Variants in MROH6 observed in about 807,000 individuals in gnomAD.
MROH6 encodes the protein maestro heat-like repeat-containing protein family member 6.
Under a neutral mutation model 67.7 loss-of-function variants are expected in MROH6, and 62 were observed. The ratio of observed to expected loss-of-function variants is 0.92; its 90% CI spans 0.75 to 1.13. The LOEUF (loss-of-function observed/expected upper bound fraction) is 1.13, where lower values mean the gene tolerates loss of function less well. Among genes scored for constraint, MROH6 ranks in the 50% most tolerant of loss-of-function variants. The pLI is 0.00. For synonymous variants in MROH6, 566 were observed against 470.8 expected, an observed-to-expected ratio of 1.20 and a Z score of -2.62; for missense variants, 1,175 against 1,029.1, an observed-to-expected ratio of 1.14 and a Z score of -1.94.
chr8:143,570,863 C>T lies in MROH6; in HGVS notation c.720+14G>A. 1 of 586,050 alleles carries T rather than the reference C, an allele frequency of 1.7e-6. No individual in the cohort carries two copies. The highest frequency in any genetic ancestry group is 2.9e-6 in the Non-Finnish European group (1 of 342,490). 36.3% of individuals were successfully genotyped at this position (586,050 alleles called of 1,614,324 possible). A position where few individuals can be genotyped will look rare whatever the true frequency, so the allele number is the denominator to read the frequency against. On this transcript the variant is annotated intron_variant, in intron 4 of 13. Coordinates refer to ENST00000398882, the MANE Select transcript of MROH6 (RefSeq NM_001100878.2). The stretch of plus-strand genomic sequence containing the variant: ...CCCCGCCCCCACCCCCTGGTAATGG[C>T]TGGAGCCACCTACCGCCAGTGCCTG...
intron 9 of MROH6, 131 bp downstream of exon 9, chr8:143,569,310 G>T (rs1823846435): frequency 5.4e-6 from 3 of 555,450 alleles, no homozygotes; most frequent in Non-Finnish European, 8.6e-6. Context: ...GAGACTGGAA[G>T]GGCGGGGCGG....
chr8:143,572,558 C>T lies in MROH6; in HGVS notation c.157G>A (p.Glu53Lys). 2 of 1,606,760 alleles carry T rather than the reference C, an allele frequency of 1.2e-6. No individual in the cohort carries two copies. Among genetic ancestry groups the T allele is most frequent in the Non-Finnish European group, 1.7e-6 (2 of 1,177,778 alleles). ...PQPKSWEVKP[E>K]AEPQTQALTA... Reference sequence around the variant, plus strand: ...AGTGCCTGGGTCTGTGGCTCAGCCTCAGGTTTGACCTCCCAGGACTTGGGC... The same window carrying T: ...AGTGCCTGGGTCTGTGGCTCAGCCTTAGGTTTGACCTCCCAGGACTTGGGC... Residue 53 changes from glutamate to lysine, a missense_variant, in exon 1 of 14, where the codon GAG becomes AAG. Physicochemically the swap from Glu to Lys is moderately conservative, Grantham distance 56. Coordinates refer to ENST00000398882, the MANE Select transcript of MROH6 (RefSeq NM_001100878.2).
rs373982339 is a variant in MROH6, at chr8:143,572,680, C to T, written c.35G>A (p.Arg12Gln). ...GGTTAGAGCCCCCACGGGAGCCTCC[C>T]GGGCCCGGCTCCGGCCCCACACACC... ...AGGVWGRSRAREAPVGALTLT... is the reference protein window; with the variant it reads ...AGGVWGRSRAQEAPVGALTLT... Residue 12 changes from arginine (R) to glutamine (Q), a missense_variant, in exon 1 of 14, where the codon CGG (arginine) becomes CAG (glutamine). Coordinates refer to ENST00000398882, the MANE Select transcript of MROH6 (RefSeq NM_001100878.2). 23 of 1,530,906 alleles carry T rather than the reference C, an allele frequency of 1.5e-5. No homozygotes were observed. The South Asian group carries it at 1.8e-4, about 12-fold the overall frequency. The allele number at this position is 1,530,906 out of a possible 1,614,324, so 94.8% of individuals were successfully genotyped here. A position where few individuals can be genotyped will look rare whatever the true frequency, so the allele number is the denominator to read the frequency against.
Position 143,570,470 on chromosome 8 carries a change from C to T in MROH6, c.905+3G>A. 2 of 1,610,928 alleles carry T rather than the reference C, an allele frequency of 1.2e-6. No individual in the cohort carries two copies. The highest frequency in any genetic ancestry group is 1.1e-5 in the South Asian group (1 of 90,922). On this transcript the variant is annotated splice_donor_region_variant and intron_variant, in intron 5 of 13. Transcript: ENST00000398882. ...CCCCACGTAACCTGGTGTTGCCTCT[C>T]ACCTGGCATGGCTATGTGGTGGCCC...
chr8:143,569,004 G>T, intron 9 of MROH6: 1 of 414,190 alleles, frequency 2.4e-6, no homozygotes, highest in Non-Finnish European at 4.1e-6. Context: ...ACAGCAGGCG[G>T]GAGGGGCGGG....
chr8:143,571,667 C>A lies in MROH6; in HGVS notation c.602G>T (p.Arg201Leu), dbSNP rs757512773. Residue 201 changes from arginine to leucine, a missense_variant and splice_region_variant, in exon 3 of 14, where the codon CGG becomes CTG. Physicochemically the swap from Arg to Leu is moderately radical, Grantham distance 102 (BLOSUM62 -2). Transcript: ENST00000398882. ...ALLPRSLPAD[R>L]VAAELWRSLS... Reference sequence around the variant, plus strand: ...CGCAGGGCCAGGACGGTTGGGTTACCGATCGGCGGGCAGAGAGCGGGGTAG... The same window carrying A: ...CGCAGGGCCAGGACGGTTGGGTTACAGATCGGCGGGCAGAGAGCGGGGTAG... The A allele has an allele frequency of 6.4e-7, 1 of 1,560,570 alleles. No individual in the cohort carries two copies. The highest frequency in any genetic ancestry group is 1.4e-5 in the African/African-American group (1 of 73,682).
rs1823788379 is a variant in MROH6 at position 143,568,702 on chromosome 8, G to A, written c.1494C>T (p.Arg498=). 15 of 1,501,272 alleles carry A rather than the reference G, an allele frequency of 1.0e-5. No individual in the cohort carries two copies. Among genetic ancestry groups the A allele is most frequent in the East Asian group, 2.5e-5 (1 of 40,036 alleles). The allele number at this position is 1,501,272 out of a possible 1,614,324, so 93.0% of individuals were successfully genotyped here. A position where few individuals can be genotyped will look rare whatever the true frequency, so the allele number is the denominator to read the frequency against. ...PLLDDTRDSI[R]ASAVGLLGTL... ...TCCCAAGGAGCCCGACGGCCGAGGCGCGGATTGAGTCCCGTGTCTGCGTGG... is the reference window on the plus strand; with the variant it reads ...TCCCAAGGAGCCCGACGGCCGAGGCACGGATTGAGTCCCGTGTCTGCGTGG... The change falls in exon 10 of 14, where the codon CGC becomes CGT. Residue 498 remains arginine, a synonymous_variant. Coordinates refer to ENST00000398882, the MANE Select transcript of MROH6 (RefSeq NM_001100878.2).
At chr8:143,568,349 G>A in intron 10 of MROH6, 88 bp from the exon 11 acceptor site, 1 of 1,504,208 alleles carries the variant, frequency 6.6e-7, no homozygotes, top group Non-Finnish European at 8.9e-7. Flanking sequence ...AGGGCATCGG[G>A]TGAGGGGCAG....
At chr8:143,571,076 G>A (rs1253382423) in intron 3 of MROH6, 82 bp from the exon 4 acceptor site, 11 of 1,176,386 alleles carry the variant, frequency 9.4e-6, no homozygotes, top group African/African-American at 7.6e-5. Flanking sequence ...CCAGGGTGGA[G>A]GCAGCCAGTA....
At position 143,567,424 on chromosome 8, in the gene MROH6, C is replaced by CGA; in HGVS notation, c.1974_1975insTC (p.Ala659SerfsTer161). ...TGCTGAGCGGACACGTGCGCTGCCG[C>CGA]GGCCACAGCCGGCTTGGGGTCGCTC... On this transcript the variant is annotated frameshift_variant, in exon 14 of 14. Transcript: ENST00000398882. LOFTEE classifies it low-confidence loss of function (END_TRUNC). 7.6e-7 allele frequency: 1 copy of CGA among 1,322,826 alleles called. No individual in the cohort carries two copies. Among genetic ancestry groups the CGA allele is most frequent in the Admixed American group, 3.8e-5 (1 of 26,342 alleles). The allele number at this position is 1,322,826 out of a possible 1,614,324, so 81.9% of individuals were successfully genotyped here. A position where few individuals can be genotyped will look rare whatever the true frequency, so the allele number is the denominator to read the frequency against.
rs1429062635 is a variant in MROH6, at chr8:143,571,749, G to A, written c.520C>T (p.Leu174=). ...AGGGCCAGTGCGCTCAGCACTCGCA[G>A]GGCCGCCCTCCAGGGCCTCCCCTCC... is the stretch of plus-strand genomic sequence containing the variant. ...LAEGRPWRAA[L]RVLSALALEH... is the part of the protein sequence containing the mutation. Residue 174 remains leucine (L), a synonymous_variant, in exon 3 of 14, where the codon CTG becomes TTG. Coordinates refer to ENST00000398882, the MANE Select transcript of MROH6 (RefSeq NM_001100878.2). 1 of 1,549,134 alleles carries A rather than the reference G, an allele frequency of 6.5e-7. No homozygotes were observed. The highest frequency in any genetic ancestry group is 8.7e-7 in the Non-Finnish European group (1 of 1,147,786).
At chr8:143,567,732 G>A (rs954779270) in intron 12 of MROH6, 54 bp downstream of exon 12, 25 of 1,569,466 alleles carry the variant, frequency 1.6e-5, no homozygotes, top group Admixed American at 7.4e-5. Context: ...GGGGAGGCTG[G>A]CCCAGCTCCC....
At position 143,568,739 on chromosome 8, in the gene MROH6, C is replaced by A; in HGVS notation, c.1477-20G>T. 6.8e-7 allele frequency: 1 copy of A among 1,461,922 alleles called. No homozygotes were observed. The highest frequency in any genetic ancestry group is 9.0e-7 in the Non-Finnish European group (1 of 1,107,870). 90.6% of individuals were successfully genotyped at this position (1,461,922 alleles called of 1,614,324 possible). A position where few individuals can be genotyped will look rare whatever the true frequency, so the allele number is the denominator to read the frequency against. On this transcript the variant is annotated intron_variant, in intron 9 of 13. Coordinates refer to ENST00000398882, the MANE Select transcript of MROH6 (RefSeq NM_001100878.2). ...CCGTGTCTGCGTGGGAGGGCGCAGT[C>A]AGGGCAGGCGGAGACAGAGAGGGGC...
At position 143,569,498 on chromosome 8, in the gene MROH6, CGCCCGGGGCCGCAGCAGGA is replaced by C; in HGVS notation, c.1400_1418del (p.Leu467ArgfsTer6). ...GCTCCGCGCTCAGGAGCCGCACAGG[CGCCCGGGGCCGCAGCAGGA>C]GCCTCCTCAGGGCGCCCAGCGCTGC... On this transcript the variant is annotated frameshift_variant, in exon 9 of 14. Coordinates refer to ENST00000398882, the MANE Select transcript of MROH6 (RefSeq NM_001100878.2). LOFTEE classifies it high-confidence loss of function. 1 of 1,485,122 alleles carries C rather than the reference CGCCCGGGGCCGCAGCAGGA, an allele frequency of 6.7e-7. No individual in the cohort carries two copies. The highest frequency in any genetic ancestry group is 1.3e-5 in the South Asian group (1 of 78,172). 92.0% of individuals were successfully genotyped at this position (1,485,122 alleles called of 1,614,324 possible).
chr8:143,569,609 C>T lies in MROH6; in HGVS notation c.1308G>A (p.Arg436=). 1 of 1,578,598 alleles carries T rather than the reference C, an allele frequency of 6.3e-7. No individual in the cohort carries two copies. The change falls in exon 9 of 14, where the codon CGG becomes CGA. Residue 436 remains arginine (R), a synonymous_variant. Transcript: ENST00000398882. The part of the protein sequence containing the change: ...GHLALNRRKV[R]HVSTLLPALL... ...GCGCCGGCAGCAGCGTGCTCACGTG[C>T]CGCACCTGCTGGGACTCGGGGTCAG... is the stretch of plus-strand genomic sequence containing the variant.
At position 143,567,479 on chromosome 8, in the gene MROH6, G is replaced by A. The variant is rs780311664; in HGVS notation, c.1934-14C>T. 276 of 1,425,156 alleles carry A rather than the reference G, an allele frequency of 1.9e-4. 2 individuals carry two copies. Among genetic ancestry groups the A allele is most frequent in the Non-Finnish European group, 1.6e-4 (176 of 1,084,922 alleles). 88.3% of individuals were successfully genotyped at this position (1,425,156 alleles called of 1,614,324 possible). On this transcript the variant is annotated splice_polypyrimidine_tract_variant and intron_variant, in intron 13 of 13. Coordinates refer to ENST00000398882, the MANE Select transcript of MROH6 (RefSeq NM_001100878.2). The stretch of plus-strand genomic sequence containing the variant: ...GTCGCCCTAGGTCTGCGAGGAGATC[G>A]CGGCTCAGGCTGGGGAGCCCAGGAG...
chr8:143,571,481 T>TG (rs1232424730), intron 3 of MROH6, among the ~76,000 whole-genome samples, 186 bp downstream of exon 3: 5 of 151,550 alleles, frequency 3.3e-5, no homozygotes, highest in Non-Finnish European at 7.4e-5. Context: ...GGCAGGAGTG[T>TG]GGGGGGAGTT....
rs4874154 is a variant in MROH6 at position 143,572,412 on chromosome 8, C to G, written c.294+9G>C. On this transcript the variant is annotated intron_variant, in intron 1 of 13. Transcript: ENST00000398882. ...CGGTTCGCACAACATCCCTTCCCTC[C>G]CCCGTCACCTGGTGGGGCCCCTCAG... 6.5e-7 allele frequency: 1 copy of G among 1,549,852 alleles called. No homozygotes were observed. Among genetic ancestry groups the G allele is most frequent in the Non-Finnish European group, 8.7e-7 (1 of 1,150,302 alleles).
chr8:143,568,399 G>A (rs1283309758), intron 10 of MROH6, 138 bp from the exon 11 acceptor site: 2 of 1,428,650 alleles, frequency 1.4e-6, no homozygotes, highest in African/African-American at 1.4e-5. Context: ...TCTGCTCAAG[G>A]GAAGAGCAGT....
Sources: allele counts gnomAD v4.1 joint callset (sites outside exome capture counted in the v4.1 genomes callset), GRCh38; gene constraint gnomAD v4.1.1; transcripts MANE v1.5; gene names NCBI Gene and HGNC (gene_info 2026-07-23, HGNC 2026-07-21).